The following PDE3A variants were observed in gnomAD, a reference collection of about 807,000 sequenced individuals.
PDE3A encodes the protein phosphodiesterase 3A.
Under a neutral mutation model 98.3 loss-of-function variants are expected in PDE3A, and 43 were observed. The observed-to-expected ratio is 0.44, with a 90% CI of 0.34 to 0.56. The LOEUF is 0.56. PDE3A is among the 20% of genes least tolerant of loss of function. The pLI, the probability that PDE3A is intolerant of heterozygous loss-of-function variation, is 0.01. For missense variants in PDE3A, 1,427 were observed against 1,440.7 expected, an observed-to-expected ratio of 0.99 and a Z score of 0.15; for synonymous variants, 663 against 567.9, an observed-to-expected ratio of 1.17 and a Z score of -2.38.
At chr12:20,431,402 A>G (rs1944694707) in intron 1 of PDE3A, among the ~76,000 whole-genome samples, 1 of 152,174 alleles carries the variant, frequency 6.6e-6, no homozygotes. Context: ...AGGATTGTAT[A>G]CACGATGTAT....
chr12:20,558,939 G>A (rs1942441656), intron 2 of PDE3A, among the ~76,000 whole-genome samples: 2 of 152,058 alleles, frequency 1.3e-5, no homozygotes, highest in Non-Finnish European at 2.9e-5. Flanking sequence ...CAGCACTGTG[G>A]TGGGTCTAAC....
chr12:20,414,569 A>G (rs567026171), intron 1 of PDE3A, among the ~76,000 whole-genome samples: 99 of 152,324 alleles, frequency 6.5e-4, no homozygotes, highest in African/African-American at 2.2e-3. Flanking sequence ...ATGTTTTCCT[A>G]TGTTTAAATT....
At chr12:20,497,580 T>C (rs1332460550) in intron 1 of PDE3A, among the ~76,000 whole-genome samples, 1 of 148,830 alleles carries the variant, frequency 6.7e-6, no homozygotes, top group Non-Finnish European at 1.5e-5. Context: ...ACCAAAATAA[T>C]AGTGGCATTA....
At chr12:20,635,752 C>CAAAA (rs11454612) in intron 8 of PDE3A, among the ~76,000 whole-genome samples, 1 of 84,038 alleles carries the variant, frequency 1.2e-5, no homozygotes. Flanking sequence ...CACTCTATCT[C>CAAAA]AAAAAAAAAA....
chr12:20,448,226 G>C (rs1354485713), intron 1 of PDE3A, among the ~76,000 whole-genome samples: 2 of 152,102 alleles, frequency 1.3e-5, no homozygotes, highest in African/African-American at 2.4e-5. Context: ...GATCACCTGA[G>C]GTCAGGATTT....
At chr12:20,511,170 G>A (rs549635097) in intron 1 of PDE3A, among the ~76,000 whole-genome samples, 40 of 152,166 alleles carry the variant, frequency 2.6e-4, no homozygotes, top group African/African-American at 9.4e-4. Context: ...GTTGATACAA[G>A]TGGGTAGATA....
intron 2 of PDE3A, among the ~76,000 whole-genome samples, chr12:20,574,019 G>C (rs1342860135): frequency 6.6e-6 from 1 of 152,042 alleles, no homozygotes. Flanking sequence ...GATTTATTAT[G>C]TCCAGTACAT....
intron 1 of PDE3A, among the ~76,000 whole-genome samples, chr12:20,433,688 T>C (rs1246204661): frequency 6.6e-6 from 1 of 152,176 alleles, no homozygotes; most frequent in African/African-American, 2.4e-5. Flanking sequence ...ATACACAAGA[T>C]GTAATTTTAG....
At chr12:20,622,031 C>G (rs1944148615) in intron 5 of PDE3A, among the ~76,000 whole-genome samples, 1 of 152,084 alleles carries the variant, frequency 6.6e-6, no homozygotes, top group African/African-American at 2.4e-5. Context: ...AATCTAACTT[C>G]ATGGTTTCAC....
chr12:20,406,395 G>C lies in PDE3A; in HGVS notation c.960+36151G>C, dbSNP rs149997285. 1.7e-4 allele frequency among the ~76,000 whole-genome samples: 26 copies of C among 152,146 alleles called. No homozygotes were observed. The East Asian group carries it at 4.2e-3, about 25-fold the overall frequency. On this transcript the variant is annotated intron_variant, in intron 1 of 15. Transcript: ENST00000359062. ...TTTTTCCACACCCTTGCCAACACTT[G>C]TTATCTTTTTGGTAGTATCCATCCT...
At chr12:20,407,354 A>G (rs987700421) in intron 1 of PDE3A, among the ~76,000 whole-genome samples, 10 of 152,350 alleles carry the variant, frequency 6.6e-5, no homozygotes, top group African/African-American at 2.4e-4. Flanking sequence ...CAGCATGGTT[A>G]TTCATGAAAA....
chr12:20,465,801 G>A (rs117042028), intron 1 of PDE3A, among the ~76,000 whole-genome samples: 2,766 of 152,318 alleles, frequency 0.018, 45 homozygotes, highest in Middle Eastern at 0.092. Context: ...ATGAAATAGG[G>A]AAAGAAGGTA....
intron 1 of PDE3A, among the ~76,000 whole-genome samples, chr12:20,409,914 T>A (rs1283034936): frequency 1.3e-5 from 2 of 152,206 alleles, no homozygotes; most frequent in Non-Finnish European, 2.9e-5. Context: ...TGCAAGTTTG[T>A]TGAGTAATAA....
At chr12:20,402,558 C>T (rs1944152384) in intron 1 of PDE3A, among the ~76,000 whole-genome samples, 1 of 151,884 alleles carries the variant, frequency 6.6e-6, no homozygotes, top group South Asian at 2.1e-4. Context: ...TTACGGTGGG[C>T]CCTAGATGTT....
rs983956657 is a variant in PDE3A, at chr12:20,488,322, C to T, written c.961-68338C>T. On this transcript the variant is annotated intron_variant, in intron 1 of 15. Coordinates refer to ENST00000359062, the MANE Select transcript of PDE3A (RefSeq NM_000921.5). ...TACCAGTCACACCATTTGAAAAAAG[C>T]ATATGACAGTGTTGTTCAGTGTTGG... is the stretch of plus-strand genomic sequence containing the variant. 3.9e-5 allele frequency among the ~76,000 whole-genome samples: 6 copies of T among 152,116 alleles called. No homozygotes were observed. In the South Asian group the frequency reaches 1.2e-3, roughly 32 times the overall value.
intron 1 of PDE3A, among the ~76,000 whole-genome samples, chr12:20,535,108 A>G (rs1565580597): frequency 6.6e-6 from 1 of 152,168 alleles, no homozygotes; most frequent in Non-Finnish European, 1.5e-5. Context: ...AAATATAGAC[A>G]TGTTCATATA....
At chr12:20,551,077 CCT>C (rs778142629) in intron 1 of PDE3A, among the ~76,000 whole-genome samples, 7 of 150,446 alleles carry the variant, frequency 4.7e-5, no homozygotes, top group East Asian at 3.9e-4. Context: ...TAGTTTACTC[CCT>C]GTTTTCCAAA....
intron 1 of PDE3A, among the ~76,000 whole-genome samples, chr12:20,442,863 TA>T: frequency 6.6e-6 from 1 of 152,290 alleles, no homozygotes; most frequent in Non-Finnish European, 1.5e-5. Flanking sequence ...AAAAATGTGT[TA>T]AAACTATATC....
chr12:20,518,385 T>C (rs574363365), intron 1 of PDE3A, among the ~76,000 whole-genome samples: 7 of 152,148 alleles, frequency 4.6e-5, no homozygotes, highest in Admixed American at 1.3e-4. Context: ...GAGTTAGAGC[T>C]TCAAAGATAT....
Sources: allele counts gnomAD v4.1 joint callset (sites outside exome capture counted in the v4.1 genomes callset), GRCh38; gene constraint gnomAD v4.1.1; transcripts MANE v1.5; gene names NCBI Gene and HGNC (gene_info 2026-07-23, HGNC 2026-07-21).